The following NR2C2 variants were observed in gnomAD, a reference collection of about 807,000 sequenced individuals.
The protein encoded by NR2C2 is Nuclear hormone receptor TR4.
A neutral mutation model predicts 62.9 loss-of-function variants in NR2C2; 6 were observed. The ratio of observed to expected loss-of-function variants is 0.10; its 90% confidence interval spans 0.05 to 0.19. The LOEUF is 0.19. Ranked by LOEUF, NR2C2 falls within the 10% of genes least tolerant of loss-of-function variation. NR2C2 has a pLI of 1.00. For missense variants in NR2C2, 479 were observed against 762.7 expected (o/e 0.63, Z 4.38); for synonymous variants, 272 against 273.8 (o/e 0.99, Z 0.07).
intron 1 of NR2C2, among the ~76,000 whole-genome samples, chr3:14,989,655 G>A (rs909330957): frequency 2.6e-5 from 4 of 151,896 alleles, no homozygotes; most frequent in African/African-American, 9.7e-5. Flanking sequence ...AATTTGACTG[G>A]GTGTGGTGGC....
At chr3:15,005,368 CTTTT>C (rs761731325) in intron 2 of NR2C2, among the ~76,000 whole-genome samples, 42 of 83,044 alleles carry the variant, frequency 5.1e-4, no homozygotes, top group South Asian at 3.7e-3. Flanking sequence ...ACGCATAATG[CTTTT>C]TTTTTTTTTT....
chr3:14,975,501 T>C (rs746675872), intron 1 of NR2C2, among the ~76,000 whole-genome samples: 7 of 152,262 alleles, frequency 4.6e-5, no homozygotes, highest in Non-Finnish European at 8.8e-5. Context: ...ATTCTTTTAA[T>C]GAGAGGTACG....
At chr3:15,024,443 C>A (rs923707988) in intron 7 of NR2C2, among the ~76,000 whole-genome samples, 1 of 152,186 alleles carries the variant, frequency 6.6e-6, no homozygotes, top group Non-Finnish European at 1.5e-5. Flanking sequence ...GTCTAGATGT[C>A]AATTTGGTGG....
chr3:14,950,320 CT>C (rs1167118101), intron 1 of NR2C2, among the ~76,000 whole-genome samples: 2 of 152,164 alleles, frequency 1.3e-5, no homozygotes, highest in African/African-American at 4.8e-5. Flanking sequence ...GTATAGGGTG[CT>C]TTATGATTTA....
intron 5 of NR2C2, among the ~76,000 whole-genome samples, chr3:15,022,710 G>A (rs1268672064): frequency 6.6e-6 from 1 of 152,060 alleles, no homozygotes; most frequent in African/African-American, 2.4e-5. Context: ...ATCCTTGAAA[G>A]AGTCTATTTT....
chr3:14,983,249 A>T (rs1052309439), intron 1 of NR2C2, among the ~76,000 whole-genome samples: 1 of 152,142 alleles, frequency 6.6e-6, no homozygotes, highest in African/African-American at 2.4e-5. Context: ...CATCCCCGCC[A>T]CTACCCTTCC....
intron 7 of NR2C2, among the ~76,000 whole-genome samples, chr3:15,024,998 G>T (rs1382901929): frequency 6.6e-6 from 1 of 152,238 alleles, no homozygotes; most frequent in African/African-American, 2.4e-5. Flanking sequence ...TAGAGCCCTT[G>T]CCTGTCATGG....
chr3:14,960,727 CAT>C (rs1407025794), intron 1 of NR2C2, among the ~76,000 whole-genome samples: 2 of 152,296 alleles, frequency 1.3e-5, no homozygotes, highest in Admixed American at 6.5e-5. Flanking sequence ...GTTGCAGCCA[CAT>C]GTTTAGATTT....
intron 1 of NR2C2, among the ~76,000 whole-genome samples, chr3:14,999,055 G>T (rs972076447): frequency 1.3e-5 from 2 of 152,060 alleles, no homozygotes; most frequent in African/African-American, 4.8e-5. Context: ...AGTGGCTCAC[G>T]CCTGTAATCC....
intron 1 of NR2C2, among the ~76,000 whole-genome samples, chr3:15,000,314 A>G (rs887281956): frequency 6.6e-6 from 1 of 152,188 alleles, no homozygotes; most frequent in Non-Finnish European, 1.5e-5. Flanking sequence ...AATGTTCTCC[A>G]GTTCCATCCG....
At chr3:15,029,400 G>T (rs2041908295) in intron 8 of NR2C2, among the ~76,000 whole-genome samples, 1 of 152,156 alleles carries the variant, frequency 6.6e-6, no homozygotes, top group African/African-American at 2.4e-5. Flanking sequence ...TTTGGCTCTT[G>T]TGCTCTGCTC....
intron 1 of NR2C2, among the ~76,000 whole-genome samples, chr3:14,970,292 G>A (rs1179301530): frequency 1.3e-5 from 2 of 151,904 alleles, no homozygotes; most frequent in Admixed American, 1.3e-4. Flanking sequence ...GGGTGGTAAT[G>A]AATTCTTTTT....
In NR2C2 at chr3:15,003,863, T is replaced by G; in HGVS notation, c.-39-13T>G. ...TGAACCCCCTTGTGATCCAGCCCACTTCTCACCCACAGGTAACACGTACAC... is the reference window on the plus strand; with the variant it reads ...TGAACCCCCTTGTGATCCAGCCCACGTCTCACCCACAGGTAACACGTACAC... On this transcript the variant is annotated splice_polypyrimidine_tract_variant and intron_variant, in intron 1 of 13. Transcript: ENST00000425241. 1 of 1,579,054 alleles carries G rather than the reference T, an allele frequency of 6.3e-7. No individual in the cohort carries two copies. The highest frequency in any genetic ancestry group is 1.3e-5 in the African/African-American group (1 of 74,338).
At chr3:14,959,060 T>G (rs2039612087) in intron 1 of NR2C2, 1 of 152,274 alleles carries the variant, frequency 6.6e-6, no homozygotes, top group Admixed American at 6.5e-5. Flanking sequence ...TTGGAGCCTC[T>G]TATTCTAGTG....
At position 15,044,673 on chromosome 3, in the gene NR2C2, C is replaced by T. The variant is rs2042388874; in HGVS notation, c.*1665C>T. 6.6e-6 allele frequency: 1 copy of T among 152,206 alleles called. No homozygotes were observed. The highest frequency in any genetic ancestry group is 2.4e-5 in the African/African-American group (1 of 41,444). The allele number at this position is 152,206 out of a possible 1,614,324, so 9.4% of individuals were successfully genotyped here. A position where few individuals can be genotyped will look rare whatever the true frequency, so the allele number is the denominator to read the frequency against. On this transcript the variant is annotated 3_prime_UTR_variant, in exon 14 of 14. Coordinates refer to ENST00000425241, the MANE Select transcript of NR2C2 (RefSeq NM_001291694.2). ...TAATCAGATGATATCCAAAAAGATC[C>T]CTGGACACTCCCCTGACTCACAGGT...
At chr3:15,041,852 A>C (rs1394285268) in intron 13 of NR2C2, among the ~76,000 whole-genome samples, 1 of 152,154 alleles carries the variant, frequency 6.6e-6, no homozygotes, top group Non-Finnish European at 1.5e-5. Context: ...GCAAGACACT[A>C]TCTCAAAAAA....
intron 1 of NR2C2, among the ~76,000 whole-genome samples, chr3:14,976,738 T>C (rs1248480697): frequency 1.3e-5 from 2 of 152,054 alleles, no homozygotes; most frequent in African/African-American, 4.8e-5. Context: ...ATTGATAGTT[T>C]GATGAGGAAT....
chr3:14,964,266 A>G (rs948967861), intron 1 of NR2C2, among the ~76,000 whole-genome samples: 4 of 152,242 alleles, frequency 2.6e-5, no homozygotes, highest in Non-Finnish European at 5.9e-5. Flanking sequence ...CATACTTTTA[A>G]GATTAAAGAC....
At chr3:14,966,207 A>C (rs13070935) in intron 1 of NR2C2, among the ~76,000 whole-genome samples, 16,749 of 152,280 alleles carry the variant, frequency 0.11, 1,089 homozygotes, top group Middle Eastern at 0.17. Context: ...ATAATGAAGG[A>C]GCATACCAGT....
Sources: gnomAD v4.1 joint callset for allele counts (sites outside exome capture counted in the v4.1 genomes callset) on GRCh38, gnomAD v4.1.1 for gene constraint, MANE v1.5 for transcripts, NCBI Gene and HGNC (gene_info 2026-07-23, HGNC 2026-07-21) for gene names.